DNAH2: variants seen among roughly 807,000 people sequenced by gnomAD.
The protein encoded by DNAH2 is dynein axonemal heavy chain 2.
Under a neutral mutation model 523.5 loss-of-function variants are expected in DNAH2, and 323 were observed. The ratio of observed to expected loss-of-function variants is 0.62; its 90% CI spans 0.56 to 0.68. DNAH2 has a LOEUF of 0.68. Ranked by LOEUF, DNAH2 falls within the 30% of genes least tolerant of loss-of-function variation. The pLI is 0.00. For missense variants in DNAH2, 4,907 were observed against 5,701.5 expected (o/e 0.86, Z 4.49); for synonymous variants, 2,093 against 2,177.4 (o/e 0.96, Z 1.08).
intron 12 of DNAH2, among the ~76,000 whole-genome samples, chr17:7,752,506 C>T (rs1392392639): frequency 4.6e-5 from 7 of 152,048 alleles, no homozygotes; most frequent in Admixed American, 6.6e-5. Flanking sequence ...GTCAGGAGAT[C>T]GAGACCATCC....
intron 12 of DNAH2, among the ~76,000 whole-genome samples, chr17:7,749,778 C>A (rs1350253712): frequency 6.6e-6 from 1 of 151,846 alleles, no homozygotes; most frequent in Non-Finnish European, 1.5e-5. Context: ...GGGTGGATCA[C>A]GAGGTCAGGA....
At chr17:7,824,819 A>C in intron 77 of DNAH2, 92 bp downstream of exon 77, 3 of 1,131,436 alleles carry the variant, frequency 2.7e-6, no homozygotes, top group South Asian at 2.2e-5. Context: ...CAACAACAAC[A>C]TGATTTGATT....
rs2077396092 is a variant in DNAH2 at position 7,807,398 on chromosome 17, GA to G, written c.9613-71del. 1.9e-6 allele frequency: 3 copies of G among 1,605,370 alleles called. No individual in the cohort carries two copies. Among genetic ancestry groups the G allele is most frequent in the African/African-American group, 2.7e-5 (2 of 74,940 alleles). Reference sequence around the variant, plus strand: ...GCGGATGCACAGACCCAGGTGGAAGGAGGGGATGCCTGGAGGTGAGGGGGTT... The same window carrying G: ...GCGGATGCACAGACCCAGGTGGAAGGGGGGATGCCTGGAGGTGAGGGGGTT... On this transcript the variant is annotated intron_variant, in intron 62 of 85. Coordinates refer to ENST00000572933, the MANE Select transcript of DNAH2 (RefSeq NM_020877.5). This position sits in a 1 kb window ranked among gnomAD's most constrained non-coding sequence, Gnocchi z 5.6.
chr17:7,754,406 A>G lies in DNAH2; in HGVS notation c.1905-2685A>G. 1 of 626,546 alleles carries G rather than the reference A, an allele frequency of 1.6e-6. No individual in the cohort carries two copies. Among genetic ancestry groups the G allele is most frequent in the East Asian group, 2.6e-5 (1 of 38,794 alleles). The allele number at this position is 626,546 out of a possible 1,614,324, so 38.8% of individuals were successfully genotyped here. ...TTAAGGTGCAGACATGGCCAAGTCC[A>G]CACCATACACCACCAGTCCCGAAAA... On this transcript the variant is annotated intron_variant, in intron 12 of 85. Transcript: ENST00000572933. This position sits in a 1 kb window ranked among gnomAD's most constrained non-coding sequence, Gnocchi z 4.6.
chr17:7,771,279 G>A, intron 27 of DNAH2, 51 bp from the exon 28 acceptor site: 1 of 1,611,176 alleles, frequency 6.2e-7, no homozygotes, highest in South Asian at 1.1e-5. Context: ...GGAGCAGAGG[G>A]TGGAGAGTGT....
chr17:7,780,907 C>G lies in DNAH2; in HGVS notation c.6003+125C>G. ...TTCTCACCTTCCCACCTCGTCCCAT[C>G]CCCGTGTTGCCCGCTGCTTTGCTAA... On this transcript the variant is annotated intron_variant, in intron 38 of 85. Transcript: ENST00000572933. This position sits in a 1 kb window ranked among gnomAD's most constrained non-coding sequence, Gnocchi z 4.4. 1 of 1,576,494 alleles carries G rather than the reference C, an allele frequency of 6.3e-7. No individual in the cohort carries two copies. The highest frequency in any genetic ancestry group is 1.3e-5 in the African/African-American group (1 of 74,392).
At chr17:7,810,869 T>C (rs753741875) in intron 63 of DNAH2, among the ~76,000 whole-genome samples, 3 of 88,910 alleles carry the variant, frequency 3.4e-5, no homozygotes, top group Non-Finnish European at 1.0e-4. Flanking sequence ...GAAAAGAGGC[T>C]CAGAGCCCAA....
chr17:7,730,123 A>T (rs1411118081), intron 4 of DNAH2, among the ~76,000 whole-genome samples: 1 of 146,612 alleles, frequency 6.8e-6, no homozygotes, highest in African/African-American at 2.5e-5. Flanking sequence ...AAGACCAGGG[A>T]TTCAATTAAA....
intron 28 of DNAH2, among the ~76,000 whole-genome samples, chr17:7,772,244 T>C (rs2076338584): frequency 6.6e-6 from 1 of 152,148 alleles, no homozygotes. Flanking sequence ...TTATTTTACC[T>C]AGGGCTAGTC....
chr17:7,763,713 A>G, intron 18 of DNAH2, 118 bp from the exon 19 acceptor site: 1 of 1,181,812 alleles, frequency 8.5e-7, no homozygotes, highest in South Asian at 1.4e-5. Context: ...GTAGAAGAAC[A>G]CTCTAGAACT....
At chr17:7,736,254 C>A (rs2075139229) in intron 7 of DNAH2, among the ~76,000 whole-genome samples, 1 of 152,058 alleles carries the variant, frequency 6.6e-6, no homozygotes, top group African/African-American at 2.4e-5. Flanking sequence ...GTAAGAGTGG[C>A]CTGTAGAATA....
chr17:7,726,418 C>T (rs867617812), intron 3 of DNAH2, among the ~76,000 whole-genome samples: 33 of 151,948 alleles, frequency 2.2e-4, no homozygotes, highest in Admixed American at 1.2e-3. Context: ...ATTCTCCTGC[C>T]GCAGCTTCCC....
intron 3 of DNAH2, among the ~76,000 whole-genome samples, chr17:7,725,797 C>T (rs1359908915): frequency 6.7e-6 from 1 of 150,042 alleles, no homozygotes; most frequent in Admixed American, 6.7e-5. Context: ...CTATGCAGGT[C>T]CTTTTGTCTA....
chr17:7,831,440 CTA>C lies in DNAH2; in HGVS notation c.12512_12513del (p.Tyr4171Ter). On this transcript the variant is annotated frameshift_variant, in exon 81 of 86. Transcript: ENST00000572933. LOFTEE classifies it high-confidence loss of function. The surrounding 1 kb of genome is among the most constrained non-coding windows in gnomAD (Gnocchi z 4.2). ...AGCAGAAGATCCCTGAAATGATCGA[CTA>C]TGAGGGGACTCAAAAACTGCTAGCT... is the stretch of plus-strand genomic sequence containing the variant. ...VKQKIPEMID[Y>X]EGTQKLLALD... is the part of the protein sequence containing the mutation. The C allele has an allele frequency of 6.2e-7, 1 of 1,614,154 alleles. No individual in the cohort carries two copies. The highest frequency in any genetic ancestry group is 8.5e-7 in the Non-Finnish European group (1 of 1,180,018).
Position 7,737,191 on chromosome 17 carries a change from TC to T in DNAH2, c.1105del (p.Arg369AlafsTer16). The T allele has an allele frequency of 6.2e-7, 1 of 1,614,164 alleles. No homozygotes were observed. On this transcript the variant is annotated frameshift_variant, in exon 8 of 86. Coordinates refer to ENST00000572933, the MANE Select transcript of DNAH2 (RefSeq NM_020877.5). LOFTEE classifies it high-confidence loss of function. ...SSKLPKLISL[I>X]RIIWVNSPHY... Reference sequence around the variant, plus strand: ...AAGCTCCCTAAGCTGATCAGTCTCATCCGCATCATCTGGGTCAACTCTCCCC... The same window carrying T: ...AAGCTCCCTAAGCTGATCAGTCTCATCGCATCATCTGGGTCAACTCTCCCC...
Position 7,740,929 on chromosome 17 carries a change from C to T in DNAH2, c.1626C>T (p.Ala542=). Residue 542 remains alanine, a synonymous_variant, in exon 11 of 86, where the codon GCC becomes GCT. Coordinates refer to ENST00000572933, the MANE Select transcript of DNAH2 (RefSeq NM_020877.5). Reference sequence around the variant, plus strand: ...GGCCAGACCTGGAGCCCTACGTGGCCCAGTATTCCGGAAAGGCGCGCTGGG... The same window carrying T: ...GGCCAGACCTGGAGCCCTACGTGGCTCAGTATTCCGGAAAGGCGCGCTGGG... The part of the protein sequence containing the change: ...KKWPDLEPYV[A]QYSGKARWVH... 6.8e-6 allele frequency: 11 copies of T among 1,613,550 alleles called. No individual in the cohort carries two copies. The highest frequency in any genetic ancestry group is 9.3e-6 in the Non-Finnish European group (11 of 1,179,514).
chr17:7,814,709 G>A (rs979308267), intron 63 of DNAH2, among the ~76,000 whole-genome samples: 1 of 152,220 alleles, frequency 6.6e-6, no homozygotes, highest in African/African-American at 2.4e-5. Flanking sequence ...AATTGGCCGG[G>A]TGTGGTGGTG....
chr17:7,720,042 G>T (rs1597441580), intron 2 of DNAH2, 142 bp downstream of exon 2: 2 of 1,018,602 alleles, frequency 2.0e-6, no homozygotes, highest in Non-Finnish European at 2.7e-6. Flanking sequence ...AGCCATGGAG[G>T]TTCAGCAGCC....
At chr17:7,785,133 G>T (rs1372991434) in intron 39 of DNAH2, among the ~76,000 whole-genome samples, 2 of 143,674 alleles carry the variant, frequency 1.4e-5, no homozygotes, top group African/African-American at 5.2e-5. Flanking sequence ...TCAAAAAAAA[G>T]CTCTGTTGCC....
Sources: allele counts gnomAD v4.1 joint callset (sites outside exome capture counted in the v4.1 genomes callset), GRCh38; gene constraint gnomAD v4.1.1; non-coding constraint Gnocchi (gnomAD v3.1); transcripts MANE v1.5; gene names NCBI Gene and HGNC (gene_info 2026-07-23, HGNC 2026-07-21).